Variants in EPB41L4A observed in about 807,000 individuals in gnomAD.
EPB41L4A encodes the protein band 4.1-like protein 4A.
Under a neutral mutation model 108.6 loss-of-function variants are expected in EPB41L4A, and 100 were observed. The ratio of observed to expected loss-of-function variants is 0.92; its 90% confidence interval spans 0.78 to 1.09. The LOEUF (loss-of-function observed/expected upper bound fraction) is 1.09. Among genes scored for constraint, EPB41L4A ranks in the 50% least tolerant of loss-of-function variants. EPB41L4A has a pLI of 0.00. For synonymous variants in EPB41L4A, 319 were observed against 289.0 expected, an observed-to-expected ratio of 1.10 and a Z score of -1.05; for missense variants, 1,030 against 842.7, an observed-to-expected ratio of 1.22 and a Z score of -2.75.
chr5:112,309,526 C>T (rs1485764668), intron 1 of EPB41L4A, among the ~76,000 whole-genome samples: 2 of 152,120 alleles, frequency 1.3e-5, no homozygotes, highest in Non-Finnish European at 2.9e-5. Context: ...TTATATCCTT[C>T]GAGGAAATTT....
chr5:112,174,658 C>T (rs1291520720), intron 18 of EPB41L4A, among the ~76,000 whole-genome samples: 1 of 151,978 alleles, frequency 6.6e-6, no homozygotes, highest in Admixed American at 6.6e-5. Context: ...TTAAATATCC[C>T]CCAAACTATT....
At chr5:112,232,128 A>AAAAG (rs1554081818) in intron 12 of EPB41L4A, among the ~76,000 whole-genome samples, 8 of 145,322 alleles carry the variant, frequency 5.5e-5, no homozygotes, top group Admixed American at 6.8e-5. Flanking sequence ...AAAAAAAAAA[A>AAAAG]AGAGAGAGAG....
chr5:112,347,705 C>T (rs1351308445), intron 1 of EPB41L4A, among the ~76,000 whole-genome samples: 2 of 152,182 alleles, frequency 1.3e-5, no homozygotes, highest in Non-Finnish European at 2.9e-5. Flanking sequence ...TGGAATACAG[C>T]AGTGAGAAAG....
chr5:112,177,941 A>C (rs144896878), intron 18 of EPB41L4A, among the ~76,000 whole-genome samples: 107 of 152,260 alleles, frequency 7.0e-4, no homozygotes, highest in Non-Finnish European at 1.3e-3. Flanking sequence ...ACCAGAAAAA[A>C]GAACAAGATG....
At chr5:112,306,475 T>C (rs2150576837) in intron 2 of EPB41L4A, among the ~76,000 whole-genome samples, 1 of 152,220 alleles carries the variant, frequency 6.6e-6, no homozygotes, top group East Asian at 1.9e-4. Context: ...GTGATCACCA[T>C]CAATAGTGGA....
intron 13 of EPB41L4A, among the ~76,000 whole-genome samples, chr5:112,208,350 G>A (rs186878485): frequency 9.8e-4 from 149 of 151,884 alleles, no homozygotes; most frequent in African/African-American, 2.9e-3. Flanking sequence ...CAGTGGACTG[G>A]ATAAAGCAAA....
intron 17 of EPB41L4A, among the ~76,000 whole-genome samples, chr5:112,191,189 G>C (rs185453107): frequency 2.4e-4 from 37 of 151,466 alleles, no homozygotes; most frequent in Admixed American, 7.9e-4. Context: ...GTGGAAAGGG[G>C]TAAGGGAAAA....
At chr5:112,186,638 T>C (rs1761441084) in intron 17 of EPB41L4A, among the ~76,000 whole-genome samples, 1 of 152,184 alleles carries the variant, frequency 6.6e-6, no homozygotes, top group Non-Finnish European at 1.5e-5. Flanking sequence ...GCATTAAAAA[T>C]GTAAGAGCCT....
chr5:112,393,533 G>A (rs1406712401), intron 1 of EPB41L4A, among the ~76,000 whole-genome samples: 1 of 151,970 alleles, frequency 6.6e-6, no homozygotes, highest in Non-Finnish European at 1.5e-5. Flanking sequence ...TTCCCAAGAT[G>A]AAACCAGGAA....
intron 6 of EPB41L4A, among the ~76,000 whole-genome samples, 184 bp from the exon 7 acceptor site, chr5:112,262,765 T>C (rs4275012): frequency 2.7e-3 from 409 of 152,368 alleles, no homozygotes; most frequent in Non-Finnish European, 4.4e-3. Context: ...TCTGAAGTGA[T>C]ACTTATATTA....
intron 11 of EPB41L4A, 112 bp downstream of exon 11, chr5:112,239,548 C>T: frequency 1.8e-6 from 1 of 555,510 alleles, no homozygotes; most frequent in Non-Finnish European, 3.0e-6. Flanking sequence ...AACACATTGG[C>T]AATGCAAGAA....
At chr5:112,144,373 C>T (rs1759172808) in intron 13 of EPB41L4A, among the ~76,000 whole-genome samples, 2 of 152,160 alleles carry the variant, frequency 1.3e-5, no homozygotes, top group Non-Finnish European at 2.9e-5. Context: ...CAACCTTGAC[C>T]TCCCAGGGCT....
intron 2 of EPB41L4A, among the ~76,000 whole-genome samples, chr5:112,299,760 G>A (rs1041279341): frequency 1.3e-5 from 2 of 152,150 alleles, no homozygotes; most frequent in African/African-American, 4.8e-5. Flanking sequence ...GTGCAGTATT[G>A]AAGTCCCCCA....
intron 12 of EPB41L4A, among the ~76,000 whole-genome samples, chr5:112,147,245 G>C (rs1459148831): frequency 6.6e-6 from 1 of 152,128 alleles, no homozygotes; most frequent in Non-Finnish European, 1.5e-5. Context: ...ATAAAATGGT[G>C]GTGGAGAAGA....
intron 1 of EPB41L4A, among the ~76,000 whole-genome samples, chr5:112,383,754 G>C (rs1241924354): frequency 6.6e-6 from 1 of 152,004 alleles, no homozygotes; most frequent in African/African-American, 2.4e-5. Context: ...TGGGGGAAAA[G>C]CTGAAATAAA....
intron 17 of EPB41L4A, 82 bp downstream of exon 17, chr5:112,194,486 C>G (rs1561464708): frequency 1.3e-6 from 1 of 770,298 alleles, no homozygotes; most frequent in Non-Finnish European, 2.0e-6. Flanking sequence ...AAAAAACAGA[C>G]TTACAAAGGA....
chr5:112,374,469 A>G (rs1191881194), intron 1 of EPB41L4A, among the ~76,000 whole-genome samples: 3 of 152,260 alleles, frequency 2.0e-5, no homozygotes, highest in African/African-American at 7.2e-5. Context: ...CTAAATAAAA[A>G]TGATTCGCAC....
intron 1 of EPB41L4A, among the ~76,000 whole-genome samples, chr5:112,359,659 G>A (rs966447717): frequency 7.9e-5 from 12 of 151,880 alleles, no homozygotes; most frequent in Non-Finnish European, 1.6e-4. Flanking sequence ...TCCTGCCTCA[G>A]CCTCCCGAGT....
At chr5:112,284,377 T>C (rs1425838505) in intron 2 of EPB41L4A, among the ~76,000 whole-genome samples, 1 of 152,166 alleles carries the variant, frequency 6.6e-6, no homozygotes, top group Admixed American at 6.5e-5. Context: ...GGTCCAATGT[T>C]GATTCAGAGA....
Sources: allele counts gnomAD v4.1 joint callset (sites outside exome capture counted in the v4.1 genomes callset), GRCh38; gene constraint gnomAD v4.1.1; transcripts MANE v1.5; gene names NCBI Gene and HGNC (gene_info 2026-07-23, HGNC 2026-07-21).